FRMD6: variants seen among roughly 807,000 people sequenced by gnomAD.
FRMD6 encodes the protein FERM domain-containing protein 6.
Under a neutral mutation model 73.2 loss-of-function variants are expected in FRMD6, and 37 were observed. That is an observed-to-expected ratio of 0.51 (90% CI 0.39 to 0.66). FRMD6 has a LOEUF of 0.66. FRMD6 is among the 30% of genes least tolerant of loss of function. The pLI is 0.00. For missense variants in FRMD6, 714 were observed against 780.5 expected (o/e 0.91, Z 1.02); for synonymous variants, 273 against 282.2 (o/e 0.97, Z 0.33).
At chr14:51,724,505 A>G (rs896498073) in intron 12 of FRMD6, among the ~76,000 whole-genome samples, 2 of 152,210 alleles carry the variant, frequency 1.3e-5, no homozygotes. Flanking sequence ...AACTCCTAAA[A>G]CATGAGTATC....
intron 2 of FRMD6, among the ~76,000 whole-genome samples, chr14:51,625,799 C>T (rs1450533949): frequency 6.6e-6 from 1 of 152,150 alleles, no homozygotes; most frequent in Non-Finnish European, 1.5e-5. Context: ...GAAGCTTTCC[C>T]TATTCTCCTC....
intron 6 of FRMD6, among the ~76,000 whole-genome samples, chr14:51,707,802 G>C (rs757828509): frequency 1.4e-4 from 21 of 152,222 alleles, no homozygotes; most frequent in Non-Finnish European, 2.9e-4. Context: ...TTTTCTCTTG[G>C]TGACTTTAAA....
chr14:51,586,593 T>C (rs979712820), intron 2 of FRMD6, among the ~76,000 whole-genome samples: 1 of 152,170 alleles, frequency 6.6e-6, no homozygotes. Context: ...CTCTCATTTG[T>C]CTATTTTTGT....
chr14:51,497,855 A>G (rs1230716334), intron 1 of FRMD6, among the ~76,000 whole-genome samples: 1 of 152,210 alleles, frequency 6.6e-6, no homozygotes. Flanking sequence ...TTTTGGGATG[A>G]GGCTTCTACG....
chr14:51,522,825 C>T (rs1596535070), intron 1 of FRMD6: 1 of 152,296 alleles, frequency 6.6e-6, no homozygotes, highest in African/African-American at 2.4e-5. Context: ...ATATAATACA[C>T]ATTGAAAATG....
intron 1 of FRMD6, chr14:51,565,272 C>G (rs1272840792): frequency 1.3e-5 from 2 of 152,204 alleles, no homozygotes; most frequent in Non-Finnish European, 2.9e-5. Flanking sequence ...TTTTCCCAAA[C>G]TGAAATGACT....
At chr14:51,403,528 G>A in the FRMD6 span, among the ~76,000 whole-genome samples, 1 of 151,998 alleles carries the variant, frequency 6.6e-6, no homozygotes, top group Middle Eastern at 3.2e-3. Context: ...AGCCTCCCTG[G>A]TAGCTAGTAT....
At chr14:51,701,961 G>T (rs1458658700) in intron 4 of FRMD6, among the ~76,000 whole-genome samples, 1 of 151,854 alleles carries the variant, frequency 6.6e-6, no homozygotes, top group Non-Finnish European at 1.5e-5. Context: ...AATTCACCTC[G>T]TGTTTCCAGA....
intron 1 of FRMD6, among the ~76,000 whole-genome samples, chr14:51,522,469 C>G (rs1885006184): frequency 6.6e-6 from 1 of 152,170 alleles, no homozygotes; most frequent in African/African-American, 2.4e-5. Flanking sequence ...AGGTTTCTGT[C>G]TACCATATTG....
At chr14:51,569,507 CTTTTTTT>C (rs34661155) in intron 1 of FRMD6, among the ~76,000 whole-genome samples, 8 of 122,800 alleles carry the variant, frequency 6.5e-5, no homozygotes, top group African/African-American at 1.2e-4. Flanking sequence ...TTCTTTCTTT[CTTTTTTT>C]TTTTTTTTTT....
chr14:51,403,372 T>G, the FRMD6 span, among the ~76,000 whole-genome samples: 2 of 151,928 alleles, frequency 1.3e-5, no homozygotes, highest in Non-Finnish European at 2.9e-5. Flanking sequence ...ACAAATAGAA[T>G]CAGACTATAT....
chr14:51,417,961 C>T, the FRMD6 span, among the ~76,000 whole-genome samples: 6,678 of 152,262 alleles, frequency 0.044, 197 homozygotes, highest in Non-Finnish European at 0.061. Context: ...GAAGCTTGTG[C>T]ATGTGTCATG....
At chr14:51,547,664 A>G (rs547040109) in intron 1 of FRMD6, 75 of 152,306 alleles carry the variant, frequency 4.9e-4, no homozygotes, top group African/African-American at 1.8e-3. Context: ...TTCTTATAAT[A>G]TCCCACCCAA....
At chr14:51,604,929 A>T (rs1229442737) in intron 2 of FRMD6, among the ~76,000 whole-genome samples, 1 of 152,244 alleles carries the variant, frequency 6.6e-6, no homozygotes. Flanking sequence ...GCACAAGTGA[A>T]TATATTCCAG....
chr14:51,443,980 G>A, the FRMD6 span, among the ~76,000 whole-genome samples: 12 of 150,168 alleles, frequency 8.0e-5, no homozygotes, highest in African/African-American at 3.0e-4. Flanking sequence ...CCAGGCTGGA[G>A]TGCAATGGTG....
intron 7 of FRMD6, among the ~76,000 whole-genome samples, chr14:51,709,312 A>G (rs186564710): frequency 6.6e-4 from 101 of 152,248 alleles, no homozygotes; most frequent in Non-Finnish European, 8.7e-4. Context: ...GCTTTTTAGG[A>G]TTGCTGAATA....
intron 1 of FRMD6, among the ~76,000 whole-genome samples, chr14:51,662,227 C>T (rs999300326): frequency 2.6e-5 from 4 of 151,926 alleles, no homozygotes; most frequent in African/African-American, 9.7e-5. Flanking sequence ...AATGGAGTAC[C>T]ACACATAAGG....
At chr14:51,591,621 C>T (rs560557795) in intron 2 of FRMD6, among the ~76,000 whole-genome samples, 6 of 152,150 alleles carry the variant, frequency 3.9e-5, no homozygotes, top group Non-Finnish European at 5.9e-5. Context: ...CAGCTCACTG[C>T]GACCTCTGCC....
the FRMD6 span, among the ~76,000 whole-genome samples, chr14:51,466,836 A>C: frequency 6.6e-6 from 1 of 152,240 alleles, no homozygotes; most frequent in Non-Finnish European, 1.5e-5. Flanking sequence ...GATAATTGCT[A>C]TCATAACCAT....
Sources: gnomAD v4.1 joint callset for allele counts (sites outside exome capture counted in the v4.1 genomes callset) on GRCh38, gnomAD v4.1.1 for gene constraint, MANE v1.5 for transcripts, NCBI Gene and HGNC (gene_info 2026-07-23, HGNC 2026-07-21) for gene names.